LRCH1: variants seen among roughly 807,000 people sequenced by gnomAD.
The protein encoded by LRCH1 is leucine rich repeats and calponin homology domain containing 1, also known as leucine-rich repeat and calponin homology domain-containing protein 1.
LRCH1 carries 23 observed loss-of-function variants against 94.9 expected under a neutral mutation model. That is an observed-to-expected ratio of 0.24 (90% CI 0.17 to 0.34). The LOEUF is 0.34. Among genes scored for constraint, LRCH1 ranks in the 10% least tolerant of loss-of-function variants. LRCH1 has a pLI of 1.00. For missense variants in LRCH1, 790 were observed against 945.9 expected (o/e 0.84, Z 2.16); for synonymous variants, 364 against 354.9 (o/e 1.03, Z -0.29).
chr13:46,752,314 G>C (rs1387601484), exon 19 of LRCH1: 2 of 152,270 alleles, frequency 1.3e-5, no homozygotes, highest in Non-Finnish European at 2.9e-5. Flanking sequence ...GCCACAGTTT[G>C]TAAGACAAAT....
chr13:46,684,778 T>C (rs1870521003), intron 4 of LRCH1, among the ~76,000 whole-genome samples: 1 of 152,180 alleles, frequency 6.6e-6, no homozygotes, highest in Non-Finnish European at 1.5e-5. Context: ...CAAGCTGGGT[T>C]GAGCAATGAA....
chr13:46,692,966 C>CTTTTT (rs556715797), intron 8 of LRCH1, among the ~76,000 whole-genome samples: 3 of 128,206 alleles, frequency 2.3e-5, no homozygotes, highest in Admixed American at 8.0e-5. Flanking sequence ...AGATAAAATT[C>CTTTTT]TTTTTTTTTT....
intron 7 of LRCH1, among the ~76,000 whole-genome samples, chr13:46,692,181 T>C (rs1330809845): frequency 6.6e-6 from 1 of 152,168 alleles, no homozygotes; most frequent in African/African-American, 2.4e-5. Flanking sequence ...CTGACAAGAT[T>C]TCAGCTTAAA....
intron 13 of LRCH1, among the ~76,000 whole-genome samples, chr13:46,706,046 T>A (rs1454953303): frequency 1.3e-5 from 2 of 152,256 alleles, no homozygotes; most frequent in African/African-American, 4.8e-5. Flanking sequence ...CTGAGGTGTT[T>A]GCACATGTAC....
chr13:46,694,744 C>A, intron 8 of LRCH1, 149 bp from the exon 9 acceptor site: 1 of 735,688 alleles, frequency 1.4e-6, no homozygotes, highest in Non-Finnish European at 2.2e-6. Context: ...TTCCTCCCTG[C>A]AGGGAAGAGA....
chr13:46,623,693 G>GTTTTTT (rs5803361), intron 1 of LRCH1, among the ~76,000 whole-genome samples: 7 of 128,496 alleles, frequency 5.4e-5, no homozygotes, highest in South Asian at 2.5e-4. Flanking sequence ...CCCTGTCTCT[G>GTTTTTT]TTTTTTTTTT....
chr13:46,581,505 T>C (rs2050364450), intron 1 of LRCH1, among the ~76,000 whole-genome samples: 1 of 152,198 alleles, frequency 6.6e-6, no homozygotes, highest in Admixed American at 6.5e-5. Flanking sequence ...CAGTGGACCA[T>C]GCACAGTTCC....
chr13:46,717,232 C>A (rs2095572513), intron 16 of LRCH1, among the ~76,000 whole-genome samples: 1 of 152,128 alleles, frequency 6.6e-6, no homozygotes, highest in Non-Finnish European at 1.5e-5. Flanking sequence ...ATCTCTGCCG[C>A]ATCTACATTC....
intron 1 of LRCH1, among the ~76,000 whole-genome samples, chr13:46,611,687 G>A (rs959493912): frequency 2.0e-5 from 3 of 152,106 alleles, no homozygotes; most frequent in African/African-American, 7.2e-5. Flanking sequence ...CAAAGACTTA[G>A]TATTTAAAAA....
At chr13:46,628,900 G>A (rs2138040493) in intron 1 of LRCH1, among the ~76,000 whole-genome samples, 1 of 152,294 alleles carries the variant, frequency 6.6e-6, no homozygotes, top group South Asian at 2.1e-4. Flanking sequence ...ATAGAAACAT[G>A]TCTTGTAGCT....
At chr13:46,607,647 C>CTT (rs77449538) in intron 1 of LRCH1, among the ~76,000 whole-genome samples, 2 of 141,986 alleles carry the variant, frequency 1.4e-5, no homozygotes, top group African/African-American at 5.1e-5. Flanking sequence ...CCTTCTTCTT[C>CTT]TTTTTTTTTT....
At chr13:46,590,050 C>T (rs1198701379) in intron 1 of LRCH1, among the ~76,000 whole-genome samples, 2 of 151,948 alleles carry the variant, frequency 1.3e-5, no homozygotes, top group African/African-American at 4.8e-5. Flanking sequence ...GGAAGTTAGG[C>T]CAGAAGTTTG....
rs141940056 is a variant in LRCH1 at position 46,706,270 on chromosome 13, G to T, written c.1527+966G>T. On this transcript the variant is annotated intron_variant, in intron 13 of 19. Coordinates refer to ENST00000389797, the MANE Select transcript of LRCH1 (RefSeq NM_001164211.2). ...TCTCTAAACATTCATTACTGTAATT[G>T]GGATCATAATACTACCTATTGTAAA... 4.8e-3 allele frequency among the ~76,000 whole-genome samples: 729 copies of T among 152,298 alleles called. 3 individuals carry two copies. The highest frequency in any genetic ancestry group is 7.3e-3 in the Non-Finnish European group (496 of 68,028).
chr13:46,673,057 A>C (rs1292834859), intron 3 of LRCH1, among the ~76,000 whole-genome samples: 1 of 152,238 alleles, frequency 6.6e-6, no homozygotes, highest in Admixed American at 6.5e-5. Context: ...ATATTTATTT[A>C]ACCTGAAATA....
intron 1 of LRCH1, among the ~76,000 whole-genome samples, chr13:46,613,523 C>T (rs1291518961): frequency 6.6e-6 from 1 of 152,144 alleles, no homozygotes; most frequent in African/African-American, 2.4e-5. Context: ...GACTCAGCCT[C>T]CCATGTGGTT....
At chr13:46,600,494 CTT>C (rs1381036154) in intron 1 of LRCH1, among the ~76,000 whole-genome samples, 2 of 152,110 alleles carry the variant, frequency 1.3e-5, no homozygotes, top group African/African-American at 4.8e-5. Context: ...TTGCTGTTCC[CTT>C]TGGCTGCAGT....
intron 1 of LRCH1, 34 bp downstream of exon 1, chr13:46,553,737 G>A (rs749188746): frequency 6.3e-7 from 1 of 1,598,340 alleles, no homozygotes; most frequent in Non-Finnish European, 8.5e-7. Flanking sequence ...CAGGGGTGTG[G>A]GTGCTGTCTG....
Position 46,647,072 on chromosome 13 carries a change from C to T in LRCH1, c.308-3129C>T, listed in dbSNP as rs111478086. 2.0e-3 allele frequency among the ~76,000 whole-genome samples: 305 copies of T among 148,982 alleles called. 1 individual carries two copies. The highest frequency in any genetic ancestry group is 7.2e-3 in the African/African-American group (288 of 40,244). On this transcript the variant is annotated intron_variant, in intron 1 of 19. Transcript: ENST00000389797. ...AGGTTGCAGTGAGCTGAGATCACAC[C>T]ACTGCACTCCAGGCTGGGTGACAGA...
At chr13:46,723,982 T>C (rs917520273) in intron 17 of LRCH1, among the ~76,000 whole-genome samples, 67 of 152,162 alleles carry the variant, frequency 4.4e-4, no homozygotes, top group African/African-American at 1.5e-3. Context: ...TTTCATTTTT[T>C]ATTTTTATTT....
Sources: gnomAD v4.1 joint callset for allele counts (sites outside exome capture counted in the v4.1 genomes callset) on GRCh38, gnomAD v4.1.1 for gene constraint, MANE v1.5 for transcripts, NCBI Gene and HGNC (gene_info 2026-07-23, HGNC 2026-07-21) for gene names.